The following GRID2 variants were observed in gnomAD, a reference collection of about 807,000 sequenced individuals.
GRID2 encodes the protein glutamate ionotropic receptor delta type subunit 2, also known as glutamate receptor ionotropic, delta-2.
In GRID2, 33 loss-of-function variants were observed where a neutral mutation model predicts 114.8. That is an observed-to-expected ratio of 0.29 (90% CI 0.22 to 0.38). The LOEUF (loss-of-function observed/expected upper bound fraction) is 0.38, where lower values mean the gene tolerates loss of function less well. GRID2 is among the 10% of genes least tolerant of loss of function. GRID2 has a pLI of 1.00. For missense variants in GRID2, 1,184 were observed against 1,257.7 expected, an observed-to-expected ratio of 0.94 and a Z score of 0.89; for synonymous variants, 505 against 449.9, an observed-to-expected ratio of 1.12 and a Z score of -1.55.
intron 1 of GRID2, among the ~76,000 whole-genome samples, chr4:92,458,192 A>G (rs1441729128): frequency 6.6e-6 from 1 of 152,212 alleles, no homozygotes; most frequent in African/African-American, 2.4e-5. Flanking sequence ...TATTCCAAAA[A>G]TAAATAGGGA....
At chr4:92,783,539 C>A (rs145688504) in intron 2 of GRID2, among the ~76,000 whole-genome samples, 1 of 151,884 alleles carries the variant, frequency 6.6e-6, no homozygotes, top group Non-Finnish European at 1.5e-5. Context: ...AGATGTTTTG[C>A]TCTCATTTTA....
intron 5 of GRID2, among the ~76,000 whole-genome samples, chr4:93,208,398 A>G (rs1414421224): frequency 6.6e-6 from 1 of 151,886 alleles, no homozygotes; most frequent in Non-Finnish European, 1.5e-5. Flanking sequence ...GTTCATAATA[A>G]AAGTTAAATG....
chr4:93,435,168 C>T (rs1177276511), intron 10 of GRID2, among the ~76,000 whole-genome samples: 1 of 152,070 alleles, frequency 6.6e-6, no homozygotes, highest in East Asian at 1.9e-4. Context: ...TCTGAGATTT[C>T]ATATATTTGG....
chr4:93,231,308 C>T (rs1273427034), intron 7 of GRID2, among the ~76,000 whole-genome samples: 2 of 147,602 alleles, frequency 1.4e-5, no homozygotes, highest in African/African-American at 5.0e-5. Flanking sequence ...ATTAATCACT[C>T]TTTTAACAGG....
intron 12 of GRID2, among the ~76,000 whole-genome samples, chr4:93,505,315 A>G (rs951534904): frequency 5.9e-5 from 9 of 152,224 alleles, no homozygotes; most frequent in Middle Eastern, 3.4e-3. Flanking sequence ...CCCCTATTTC[A>G]CTACTGAAAT....
chr4:92,328,130 TACAC>T, intron 1 of GRID2, among the ~76,000 whole-genome samples: 1 of 152,058 alleles, frequency 6.6e-6, no homozygotes, highest in Middle Eastern at 3.4e-3. Context: ...AAACAAATAA[TACAC>T]ACATTCAAGA....
At chr4:93,375,235 A>G (rs4693316) in intron 8 of GRID2, among the ~76,000 whole-genome samples, 73,505 of 138,954 alleles carry the variant, frequency 0.53, 19,477 homozygotes, top group East Asian at 0.71. Flanking sequence ...TTTTTTTGAG[A>G]CAGAATCTCA....
rs144354391 is a variant in GRID2, at chr4:92,690,411, C to T, written c.244+100125C>T. 7.9e-5 allele frequency among the ~76,000 whole-genome samples: 12 copies of T among 152,166 alleles called. No homozygotes were observed. The East Asian group carries it at 2.3e-3, about 29-fold the overall frequency. ...TAAGTTTGCTGTCTTATATGAGTGT[C>T]GTCCAAGTTGCCCTAAAACAATTAC... is the stretch of plus-strand genomic sequence containing the variant. On this transcript the variant is annotated intron_variant, in intron 2 of 15. Transcript: ENST00000282020.
chr4:92,451,891 G>A (rs1166774051), intron 1 of GRID2, among the ~76,000 whole-genome samples: 1 of 152,196 alleles, frequency 6.6e-6, no homozygotes, highest in Non-Finnish European at 1.5e-5. Flanking sequence ...AAGATAAGAT[G>A]TTTGTAATAT....
intron 2 of GRID2, among the ~76,000 whole-genome samples, chr4:92,954,751 G>A (rs1578588869): frequency 1.5e-5 from 2 of 130,826 alleles, no homozygotes; most frequent in Admixed American, 7.8e-5. Flanking sequence ...ATCTCCCAAT[G>A]CTATCCCTCC....
At chr4:92,458,450 G>A (rs897433138) in intron 1 of GRID2, among the ~76,000 whole-genome samples, 1 of 152,128 alleles carries the variant, frequency 6.6e-6, no homozygotes, top group African/African-American at 2.4e-5. Context: ...ACTGCTTTTA[G>A]GAGTCACAGT....
At chr4:92,338,451 A>C (rs191797021) in intron 1 of GRID2, among the ~76,000 whole-genome samples, 171 of 152,008 alleles carry the variant, frequency 1.1e-3, no homozygotes, top group Non-Finnish European at 1.5e-3. Flanking sequence ...TACAGTATTA[A>C]TTGAGAAATT....
chr4:92,697,032 T>C (rs1430278257), intron 2 of GRID2, among the ~76,000 whole-genome samples: 1 of 152,204 alleles, frequency 6.6e-6, no homozygotes, highest in African/African-American at 2.4e-5. Flanking sequence ...ATTTTAGTGT[T>C]TGTGTGCACT....
At chr4:93,425,829 A>G (rs1269092201) in intron 10 of GRID2, among the ~76,000 whole-genome samples, 1 of 152,102 alleles carries the variant, frequency 6.6e-6, no homozygotes, top group Non-Finnish European at 1.5e-5. Flanking sequence ...CTCAATGACT[A>G]AGCCTAATAA....
intron 11 of GRID2, among the ~76,000 whole-genome samples, chr4:93,460,220 C>G (rs1723612609): frequency 6.6e-6 from 1 of 152,184 alleles, no homozygotes; most frequent in Non-Finnish European, 1.5e-5. Flanking sequence ...CTGAGTTCTT[C>G]AGAGCATAAA....
intron 1 of GRID2, among the ~76,000 whole-genome samples, chr4:92,538,913 G>A (rs921526284): frequency 5.9e-5 from 9 of 152,024 alleles, no homozygotes; most frequent in African/African-American, 1.9e-4. Context: ...ATGGTGGTGG[G>A]CACCTGTAGT....
At chr4:92,520,276 A>C (rs563722519) in intron 1 of GRID2, among the ~76,000 whole-genome samples, 1 of 152,012 alleles carries the variant, frequency 6.6e-6, no homozygotes, top group African/African-American at 2.4e-5. Flanking sequence ...AATAATACTT[A>C]AATATTAGAA....
intron 8 of GRID2, among the ~76,000 whole-genome samples, chr4:93,285,168 TA>T (rs34303397): frequency 0.65 from 98,733 of 151,740 alleles, 32,511 homozygotes; most frequent in Middle Eastern, 0.78. Flanking sequence ...CATTTTGTAA[TA>T]AAAAATATTT....
chr4:93,655,685 A>G (rs1722937751), intron 14 of GRID2, among the ~76,000 whole-genome samples: 1 of 152,136 alleles, frequency 6.6e-6, no homozygotes, highest in Admixed American at 6.5e-5. Flanking sequence ...AATCTTTATA[A>G]CAAAATATTA....
Sources: gnomAD v4.1 joint callset for allele counts (sites outside exome capture counted in the v4.1 genomes callset) on GRCh38, gnomAD v4.1.1 for gene constraint, MANE v1.5 for transcripts, NCBI Gene and HGNC (gene_info 2026-07-23, HGNC 2026-07-21) for gene names.